CAMSAP1: variants seen among roughly 807,000 people sequenced by gnomAD.
The protein encoded by CAMSAP1 is calmodulin regulated spectrin associated protein 1.
CAMSAP1 carries 58 observed loss-of-function variants against 143.5 expected under a neutral mutation model. The observed-to-expected ratio is 0.40, with a 90% CI of 0.33 to 0.50. The LOEUF is 0.50. CAMSAP1 is among the 20% of genes least tolerant of loss of function. The pLI is 0.45. For missense variants in CAMSAP1, 1,969 were observed against 2,115.7 expected (o/e 0.93, Z 1.36); for synonymous variants, 945 against 859.3 (o/e 1.10, Z -1.74).
At position 135,822,529 on chromosome 9, in the gene CAMSAP1, G is replaced by T. The variant is rs1208893016; in HGVS notation, c.2132C>A (p.Thr711Asn). The T allele has an allele frequency of 1.2e-6, 2 of 1,613,672 alleles. No homozygotes were observed. The highest frequency in any genetic ancestry group is 1.3e-5 in the African/African-American group (1 of 74,894). Residue 711 changes from threonine to asparagine, a missense_variant, in exon 11 of 17, where the codon ACC becomes AAC. By Grantham distance (65) the Thr-to-Asn change is moderately conservative (BLOSUM62 0). Transcript: ENST00000389532. This position sits in a 1 kb window ranked among gnomAD's most constrained non-coding sequence, Gnocchi z 6.1. ...ACAACTAACATATAACCTTCCCTCG[G>T]TGTCTTCATCGGCCCTGCCTACATG... ...FLHVGRADED[T>N]EGRLYVSCSK...
chr9:135,836,098 G>T (rs1836023441), intron 7 of CAMSAP1: 1 of 985,396 alleles, frequency 1.0e-6, no homozygotes, highest in East Asian at 1.1e-4. Context: ...CGGAAAGAGA[G>T]CTGCCAAAAT....
At chr9:135,878,694 G>A (rs1209649153) in intron 3 of CAMSAP1, among the ~76,000 whole-genome samples, 1 of 152,116 alleles carries the variant, frequency 6.6e-6, no homozygotes, top group Non-Finnish European at 1.5e-5. Context: ...ACACAGCGCG[G>A]GTGAGAGAGT....
At chr9:135,906,861 C>T in intron 1 of CAMSAP1, 139 bp downstream of exon 1, 1 of 419,486 alleles carries the variant, frequency 2.4e-6, no homozygotes, top group Non-Finnish European at 3.2e-6. Context: ...ACCTCGGAGG[C>T]GGCCGGCCCA....
chr9:135,823,952 G>C lies in CAMSAP1; in HGVS notation c.1398C>G (p.Thr466=). ...ACACTGCTGAAACACAGACTCACCT[G>C]GTTTTTTTTTCTGGCCAGGCTATTG... ...GAAIAWPEKK[T]RPASQPTPFA... The change falls in exon 10 of 17, where the codon ACC becomes ACG. Residue 466 remains threonine, a splice_region_variant and synonymous_variant. Transcript: ENST00000389532. The C allele has an allele frequency of 1.9e-6, 3 of 1,575,746 alleles. No homozygotes were observed. The highest frequency in any genetic ancestry group is 2.3e-5 in the South Asian group (2 of 85,492).
rs528253627 is a variant in CAMSAP1 at position 135,893,767 on chromosome 9, T to G, written c.161-10689A>C. On this transcript the variant is annotated intron_variant, in intron 1 of 16. Transcript: ENST00000389532. ...CAGACCAAAGAACTCACAGTAATAC[T>G]GACGAAATCCAAAGACAAAGAGAAG... 2.0e-5 allele frequency among the ~76,000 whole-genome samples: 3 copies of G among 152,298 alleles called. No individual in the cohort carries two copies. In the East Asian group the frequency reaches 5.8e-4, roughly 29 times the overall value.
At chr9:135,890,676 C>T (rs919975770) in intron 1 of CAMSAP1, among the ~76,000 whole-genome samples, 12 of 152,160 alleles carry the variant, frequency 7.9e-5, no homozygotes, top group East Asian at 1.9e-4. Flanking sequence ...CAGGGCCTCG[C>T]GTGGGGTGAC....
rs750868545 is a variant in CAMSAP1, at chr9:135,822,651, C to T, written c.2010G>A (p.Leu670=). 2 of 1,609,578 alleles carry T rather than the reference C, an allele frequency of 1.2e-6. No individual in the cohort carries two copies. Among genetic ancestry groups the T allele is most frequent in the East Asian group, 2.2e-5 (1 of 44,798 alleles). The part of the protein sequence containing the change: ...MGIDPTETGP[L]SVETAGEVCG... ...AGACCTCTCCTGCGGTTTCCACTGA[C>T]AGTGGTCCTGTCTCGGTGGGGTCGA... The change falls in exon 11 of 17, where the codon CTG becomes CTA. Residue 670 remains leucine (L), a synonymous_variant. Coordinates refer to ENST00000389532, the MANE Select transcript of CAMSAP1 (RefSeq NM_015447.4). The surrounding 1 kb of genome is among the most constrained non-coding windows in gnomAD (Gnocchi z 6.1).
intron 1 of CAMSAP1, among the ~76,000 whole-genome samples, chr9:135,887,040 G>C (rs1838145632): frequency 6.6e-6 from 1 of 152,210 alleles, no homozygotes; most frequent in Non-Finnish European, 1.5e-5. Flanking sequence ...GGAAGCGCAA[G>C]AGTAAAGGGA....
chr9:135,841,455 C>T (rs943020655), intron 7 of CAMSAP1, among the ~76,000 whole-genome samples: 2 of 152,242 alleles, frequency 1.3e-5, no homozygotes, highest in African/African-American at 4.8e-5. Context: ...CGCCTGCTGG[C>T]TCTGAAGAGA....
intron 4 of CAMSAP1, among the ~76,000 whole-genome samples, chr9:135,865,516 T>C (rs897623447): frequency 2.0e-5 from 3 of 152,180 alleles, no homozygotes; most frequent in East Asian, 1.9e-4. Flanking sequence ...TACGTGGCCA[T>C]AGTCATGTTG....
At chr9:135,883,995 A>G (rs771098654) in intron 1 of CAMSAP1, among the ~76,000 whole-genome samples, 21 of 152,182 alleles carry the variant, frequency 1.4e-4, no homozygotes, top group Non-Finnish European at 2.5e-4. Flanking sequence ...TAGCCTTGCC[A>G]CTATGCCCCT....
intron 1 of CAMSAP1, among the ~76,000 whole-genome samples, chr9:135,895,086 GAAGA>G (rs1838401760): frequency 6.6e-6 from 1 of 152,114 alleles, no homozygotes; most frequent in Non-Finnish European, 1.5e-5. Flanking sequence ...ATGGAGAAAA[GAAGA>G]ACAGAGCCTC....
rs1403466602 is a variant in CAMSAP1 at position 135,826,583 on chromosome 9, C to A, written c.1223+824G>T. On this transcript the variant is annotated intron_variant, in intron 8 of 16. Transcript: ENST00000389532. The surrounding 1 kb of genome is among the most constrained non-coding windows in gnomAD (Gnocchi z 4.4). Reference sequence around the variant, plus strand: ...GCTCCTCTCAAACAACCTGAAACAACTGAGTTCGTTCTATGCCATGCTGTC... The same window carrying A: ...GCTCCTCTCAAACAACCTGAAACAAATGAGTTCGTTCTATGCCATGCTGTC... 1.3e-5 allele frequency among the ~76,000 whole-genome samples: 2 copies of A among 152,236 alleles called. No individual in the cohort carries two copies. The highest frequency in any genetic ancestry group is 2.9e-5 in the Non-Finnish European group (2 of 68,048).
At chr9:135,902,578 A>C (rs1351829259) in intron 1 of CAMSAP1, among the ~76,000 whole-genome samples, 1 of 152,236 alleles carries the variant, frequency 6.6e-6, no homozygotes, top group Non-Finnish European at 1.5e-5. Flanking sequence ...TTGATTATAA[A>C]GGGATTTTGC....
intron 5 of CAMSAP1, among the ~76,000 whole-genome samples, chr9:135,860,040 A>C (rs1296660546): frequency 1.0e-4 from 14 of 140,012 alleles, no homozygotes; most frequent in African/African-American, 3.7e-4. Context: ...CCCTATCTCC[A>C]CAAAAAAAAA....
At chr9:135,902,987 G>A (rs181894712) in intron 1 of CAMSAP1, among the ~76,000 whole-genome samples, 257 of 152,336 alleles carry the variant, frequency 1.7e-3, no homozygotes, top group South Asian at 6.4e-3. Flanking sequence ...GCAAAGAATT[G>A]AGTGCATGCT....
At chr9:135,861,916 G>A (rs2130931666) in intron 5 of CAMSAP1, among the ~76,000 whole-genome samples, 1 of 152,318 alleles carries the variant, frequency 6.6e-6, no homozygotes, top group South Asian at 2.1e-4. Flanking sequence ...TAAACACCTG[G>A]AGGGAGATAC....
intron 10 of CAMSAP1, 88 bp from the exon 11 acceptor site, chr9:135,823,348 C>T (rs1178049646): frequency 2.1e-6 from 3 of 1,413,780 alleles, no homozygotes; most frequent in Non-Finnish European, 2.8e-6. Flanking sequence ...GCCGGCCACA[C>T]AAAGAGAATA....
Position 135,819,112 on chromosome 9 carries a change from T to C in CAMSAP1, c.3857A>G (p.Lys1286Arg). ...CTGCTTCAGGAGGAAGGCCGCCCGC[T>C]TCTTGGCGAGCTCATCTTCCGCTTT... is the stretch of plus-strand genomic sequence containing the variant. ...EQKAEDELAKKRAAFLLKQQR... is the reference protein window; with the variant it reads ...EQKAEDELAKRRAAFLLKQQR... Residue 1286 changes from lysine to arginine, a missense_variant, in exon 12 of 17, where the codon AAG becomes AGG. Lys to Arg is a conservative substitution (Grantham distance 26). Around this residue, in one of 4 missense-constraint regions of CAMSAP1, gnomAD observed 1,390 missense variants for 1,420.8 expected, o/e 0.98. Coordinates refer to ENST00000389532, the MANE Select transcript of CAMSAP1 (RefSeq NM_015447.4). 1 of 1,602,016 alleles carries C rather than the reference T, an allele frequency of 6.2e-7. No individual in the cohort carries two copies. The highest frequency in any genetic ancestry group is 8.5e-7 in the Non-Finnish European group (1 of 1,175,642).
Sources: allele counts gnomAD v4.1 joint callset (sites outside exome capture counted in the v4.1 genomes callset), GRCh38; gene constraint gnomAD v4.1.1; regional missense constraint gnomAD v4.1.1; non-coding constraint Gnocchi (gnomAD v3.1); transcripts MANE v1.5; gene names NCBI Gene and HGNC (gene_info 2026-07-23, HGNC 2026-07-21).